The following PRG4 variants were observed in gnomAD, a reference collection of about 807,000 sequenced individuals.
The protein encoded by PRG4 is proteoglycan 4, also known as articular superficial zone protein.
Under a neutral mutation model 91.2 loss-of-function variants are expected in PRG4, and 61 were observed. The observed-to-expected ratio is 0.67, with a 90% CI of 0.54 to 0.83. The LOEUF is 0.83. PRG4 is among the 40% of genes least tolerant of loss of function. The pLI is 0.00. For synonymous variants in PRG4, 576 were observed against 614.2 expected (o/e 0.94, Z 0.92); for missense variants, 1,564 against 1,714.2 (o/e 0.91, Z 1.55).
Position 186,308,788 on chromosome 1 carries a change from G to A in PRG4, c.3069G>A (p.Lys1023=), listed in dbSNP as rs1656945333. The stretch of plus-strand genomic sequence containing the variant: ...AAGCGACAACTCCTAAACCTCAAAA[G>A]CCAACCAAAGCACCCAAAAAACCCA... ...NSKATTPKPQ[K]PTKAPKKPTS... Residue 1023 remains lysine, a synonymous_variant, in exon 7 of 13, where the codon AAG becomes AAA. Coordinates refer to ENST00000445192, the MANE Select transcript of PRG4 (RefSeq NM_005807.6). The A allele has an allele frequency of 6.2e-7, 1 of 1,613,590 alleles. No homozygotes were observed. Among genetic ancestry groups the A allele is most frequent in the Non-Finnish European group, 8.5e-7 (1 of 1,179,922 alleles).
In PRG4 at chr1:186,312,898, A is replaced by T; in HGVS notation, c.4117+4A>T. 1 of 1,610,988 alleles carries T rather than the reference A, an allele frequency of 6.2e-7. No individual in the cohort carries two copies. The highest frequency in any genetic ancestry group is 1.7e-5 in the Admixed American group (1 of 60,022). On this transcript the variant is annotated splice_donor_region_variant and intron_variant, in intron 12 of 12. Coordinates refer to ENST00000445192, the MANE Select transcript of PRG4 (RefSeq NM_005807.6). ...GATTACTATGCCTTTTCTAAAGGTA[A>T]GGTATTAACTAACAGTTTCCCAAGG...
In PRG4 at chr1:186,313,785, G is replaced by A. The variant is rs750322084; in HGVS notation, c.*7G>A. On this transcript the variant is annotated 3_prime_UTR_variant, in exon 13 of 13. Coordinates refer to ENST00000445192, the MANE Select transcript of PRG4 (RefSeq NM_005807.6). ...CTGGTACAACTGTCCTTAGACTGAT[G>A]AGCAAAGGAGGAGTCAACTAATGAA... 4 of 1,577,672 alleles carry A rather than the reference G, an allele frequency of 2.5e-6. No homozygotes were observed. The highest frequency in any genetic ancestry group is 1.3e-5 in the African/African-American group (1 of 74,146).
intron 10 of PRG4, 188 bp from the exon 11 acceptor site, chr1:186,311,987 C>G (rs745933417): frequency 1.7e-5 from 10 of 583,044 alleles, no homozygotes; most frequent in Non-Finnish European, 2.7e-5. Context: ...TCTATTCATT[C>G]AACAAGTATT....
intron 7 of PRG4, 98 bp downstream of exon 7, chr1:186,309,238 A>G (rs1309796640): frequency 1.6e-6 from 2 of 1,240,360 alleles, no homozygotes; most frequent in East Asian, 2.4e-5. Context: ...CAACTGAGAT[A>G]TATTACCTGA....
At chr1:186,303,224 G>GA (rs1656330126) in intron 4 of PRG4, among the ~76,000 whole-genome samples, 1 of 152,056 alleles carries the variant, frequency 6.6e-6, no homozygotes, top group East Asian at 1.9e-4. Flanking sequence ...TAACCATTTT[G>GA]GCCAAGAACA....
intron 3 of PRG4, 58 bp downstream of exon 3, chr1:186,300,271 C>T: frequency 1.9e-6 from 3 of 1,609,346 alleles, no homozygotes; most frequent in Non-Finnish European, 1.7e-6. Flanking sequence ...CTGTGAGTCC[C>T]CCCTTGCACC....
At chr1:186,301,538 G>A (rs577198984) in intron 3 of PRG4, 54 bp from the exon 4 acceptor site, 231 of 1,611,068 alleles carry the variant, frequency 1.4e-4, no homozygotes, top group Middle Eastern at 3.9e-4. Flanking sequence ...TGTCAAATAC[G>A]TGGGCCTGGC....
rs576841825 is a variant in PRG4 at position 186,300,306 on chromosome 1, C to T, written c.199+93C>T. ...CCTCGTGCAGTGCTGTGAGACTGAG[C>T]CTCCCCTTGCACCCACTTGCAGTGC... On this transcript the variant is annotated intron_variant, in intron 3 of 12. Transcript: ENST00000445192. 5.2e-6 allele frequency: 8 copies of T among 1,532,130 alleles called. No homozygotes were observed. In the African/African-American group the frequency reaches 1.1e-4, roughly 21 times the overall value. The allele number at this position is 1,532,130 out of a possible 1,614,324, so 94.9% of individuals were successfully genotyped here.
In PRG4 at chr1:186,308,505, A is replaced by T; in HGVS notation, c.2786A>T (p.Glu929Val). The change falls in exon 7 of 13, where the codon GAA becomes GTA. Residue 929 changes from glutamate to valine, a missense_variant. Coordinates refer to ENST00000445192, the MANE Select transcript of PRG4 (RefSeq NM_005807.6). ...GAAAGAGACTTACGTACTACACCTG[A>T]AACTACAACTGCTGCACCTAAGATG... ...TTERDLRTTP[E>V]TTTAAPKMTK... is the part of the protein sequence containing the mutation. 1 of 1,613,868 alleles carries T rather than the reference A, an allele frequency of 6.2e-7. No individual in the cohort carries two copies. Among genetic ancestry groups the T allele is most frequent in the South Asian group, 1.1e-5 (1 of 91,084 alleles).
At position 186,308,486 on chromosome 1, in the gene PRG4, G is replaced by A. The variant is rs1656912002; in HGVS notation, c.2767G>A (p.Asp923Asn). The change falls in exon 7 of 13, where the codon GAC becomes AAC. Residue 923 changes from aspartate (D) to asparagine (N), a missense_variant. Asp to Asn is a conservative substitution (Grantham distance 23, BLOSUM62 1). Coordinates refer to ENST00000445192, the MANE Select transcript of PRG4 (RefSeq NM_005807.6). ...TTAKDKTTER[D>N]LRTTPETTTA... The stretch of plus-strand genomic sequence containing the variant: ...AGCTAAAGACAAGACAACAGAAAGA[G>A]ACTTACGTACTACACCTGAAACTAC... 1.2e-6 allele frequency: 2 copies of A among 1,613,780 alleles called. No homozygotes were observed. Among genetic ancestry groups the A allele is most frequent in the Non-Finnish European group, 8.5e-7 (1 of 1,180,026 alleles).
At position 186,308,976 on chromosome 1, in the gene PRG4, A is replaced by T. The variant is rs1294591527; in HGVS notation, c.3257A>T (p.Lys1086Ile). 1.2e-6 allele frequency: 2 copies of T among 1,608,552 alleles called. No homozygotes were observed. The highest frequency in any genetic ancestry group is 1.7e-6 in the Non-Finnish European group (2 of 1,177,292). ...AGACCTAACCAAACTCCAAACTCCAAACTAGTTGAAGTAAATCCAAAGAGT... is the reference window on the plus strand; with the variant it reads ...AGACCTAACCAAACTCCAAACTCCATACTAGTTGAAGTAAATCCAAAGAGT... ...TTRPNQTPNS[K>I]LVEVNPKSED... The change falls in exon 7 of 13, where the codon AAA (lysine) becomes ATA (isoleucine). Residue 1086 changes from lysine to isoleucine, a missense_variant. Physicochemically the swap from Lys to Ile is moderately radical, Grantham distance 102 (BLOSUM62 -3). This residue lies in a region of PRG4 where 1,079 missense variants were observed against 1,162.2 expected (regional missense o/e 0.93). Transcript: ENST00000445192.
rs752709908 is a variant in PRG4 at position 186,307,458 on chromosome 1, C to T, written c.1739C>T (p.Thr580Ile). ...ACCCCCAAGAAGCCTGCCCCAACTACCCCCAAGGAGCCTGCACCCACCACT... is the reference window on the plus strand; with the variant it reads ...ACCCCCAAGAAGCCTGCCCCAACTATCCCCAAGGAGCCTGCACCCACCACT... ...PTTPKKPAPTTPKEPAPTTPK... is the reference protein window; with the variant it reads ...PTTPKKPAPTIPKEPAPTTPK... Residue 580 changes from threonine to isoleucine, a missense_variant, in exon 7 of 13, where the codon ACC (threonine) becomes ATC (isoleucine). Around this residue, in one of 3 missense-constraint regions of PRG4, gnomAD observed 1,079 missense variants for 1,162.2 expected, o/e 0.93. Transcript: ENST00000445192. The T allele has an allele frequency of 2.7e-5, 42 of 1,575,912 alleles. No individual in the cohort carries two copies. The highest frequency in any genetic ancestry group is 3.6e-5 in the Non-Finnish European group (42 of 1,160,654).
chr1:186,300,080 T>C lies in PRG4; in HGVS notation c.77-11T>C. On this transcript the variant is annotated splice_polypyrimidine_tract_variant and intron_variant, in intron 2 of 12. Coordinates refer to ENST00000445192, the MANE Select transcript of PRG4 (RefSeq NM_005807.6). ...TTTGGCCATATTTACGCCAGTATTGTATAATTTTAGATTTATCAAGCTGTG... is the reference window on the plus strand; with the variant it reads ...TTTGGCCATATTTACGCCAGTATTGCATAATTTTAGATTTATCAAGCTGTG... The C allele has an allele frequency of 1.2e-6, 2 of 1,613,992 alleles. No homozygotes were observed. Among genetic ancestry groups the C allele is most frequent in the Non-Finnish European group, 1.7e-6 (2 of 1,179,826 alleles).
chr1:186,305,930 A>T (rs1033143820), intron 6 of PRG4, among the ~76,000 whole-genome samples: 7 of 152,156 alleles, frequency 4.6e-5, no homozygotes, highest in African/African-American at 1.7e-4. Context: ...GTGCAGCAAG[A>T]TGGTAGTACT....
intron 4 of PRG4, 52 bp from the exon 5 acceptor site, chr1:186,304,056 C>T: frequency 1.3e-6 from 2 of 1,588,736 alleles, no homozygotes; most frequent in Admixed American, 1.7e-5. Flanking sequence ...ACAGTTAGAG[C>T]TGCTGATGAA....
chr1:186,306,233 A>T, intron 6 of PRG4, 85 bp from the exon 7 acceptor site: 1 of 1,109,814 alleles, frequency 9.0e-7, no homozygotes, highest in Non-Finnish European at 1.3e-6. Flanking sequence ...ACACACAACT[A>T]GTCAATGATA....
intron 4 of PRG4, 88 bp from the exon 5 acceptor site, chr1:186,304,020 T>G: frequency 7.1e-7 from 1 of 1,417,588 alleles, no homozygotes; most frequent in Non-Finnish European, 1.0e-6. Context: ...CATCTACTCT[T>G]GAAGCTAGAT....
rs143599637 is a variant in PRG4 at position 186,307,967 on chromosome 1, G to A, written c.2248G>A (p.Ala750Thr). The A allele has an allele frequency of 3.2e-3, 5,141 of 1,605,440 alleles. 11 individuals are homozygous for A. Among genetic ancestry groups the A allele is most frequent in the Non-Finnish European group, 3.5e-3 (4,171 of 1,178,284 alleles). ...CACATCCACCACCTCTGACAAGCCC[G>A]CTCCAACTACCCCTAAGGGGACTGC... ...EPTSTTSDKPAPTTPKGTAPT... is the reference protein window; with the variant it reads ...EPTSTTSDKPTPTTPKGTAPT... The change falls in exon 7 of 13, where the codon GCT becomes ACT. Residue 750 changes from alanine (A) to threonine (T), a missense_variant. Transcript: ENST00000445192.
chr1:186,300,062 A>T (rs758434582), intron 2 of PRG4, 29 bp from the exon 3 acceptor site: 2 of 1,613,432 alleles, frequency 1.2e-6, no homozygotes, highest in Non-Finnish European at 1.7e-6. Flanking sequence ...TGGTTTGGCC[A>T]TATTTACGCC....
Sources: gnomAD v4.1 joint callset for allele counts (sites outside exome capture counted in the v4.1 genomes callset) on GRCh38, gnomAD v4.1.1 for gene constraint, gnomAD v4.1.1 regional missense constraint, MANE v1.5 for transcripts, NCBI Gene and HGNC (gene_info 2026-07-23, HGNC 2026-07-21) for gene names.